Variants in TRMT10B observed in about 807,000 individuals in gnomAD.
The protein encoded by TRMT10B is tRNA methyltransferase 10B, also known as tRNA methyltransferase 10 homolog B.
Under a neutral mutation model 43.8 loss-of-function variants are expected in TRMT10B, and 33 were observed. The observed-to-expected ratio is 0.75, with a 90% CI of 0.57 to 1.01. The LOEUF (loss-of-function observed/expected upper bound fraction) is 1.01, where lower values mean the gene tolerates loss of function less well. Ranked by LOEUF, TRMT10B falls within the 50% of genes least tolerant of loss-of-function variation. The pLI, the probability that TRMT10B is intolerant of heterozygous loss-of-function variation, is 0.00. For missense variants in TRMT10B, 362 were observed against 369.8 expected, an observed-to-expected ratio of 0.98 and a Z score of 0.17; for synonymous variants, 137 against 130.6, an observed-to-expected ratio of 1.05 and a Z score of -0.34.
In TRMT10B at chr9:37,755,140, C is replaced by T. The variant is rs565729081; in HGVS notation, c.-30+1288C>T. Among the ~76,000 whole-genome samples, 10 of 152,010 alleles carry T rather than the reference C, an allele frequency of 6.6e-5. No individual in the cohort carries two copies. The East Asian group carries it at 1.2e-3, about 18-fold the overall frequency. ...AAAAAAATCTAGCCGGACATGGTGGCGGGTGCCTGTAGTCCCAGCTACTCA... is the reference window on the plus strand; with the variant it reads ...AAAAAAATCTAGCCGGACATGGTGGTGGGTGCCTGTAGTCCCAGCTACTCA... On this transcript the variant is annotated intron_variant, in intron 1 of 8. Transcript: ENST00000297994.
At position 37,761,214 on chromosome 9, in the gene TRMT10B, AG is replaced by A. The variant is rs1223093372; in HGVS notation, c.-29-687del. Among the ~76,000 whole-genome samples the A allele has an allele frequency of 7.9e-5, 12 of 152,246 alleles. 1 individual carries two copies. The highest frequency in any genetic ancestry group is 1.8e-4 in the Non-Finnish European group (12 of 68,042). ...TAGGTATTCAATAAATATTTGCTAA[AG>A]GAACAATTTTGAAAATAAACTGGTT... On this transcript the variant is annotated intron_variant, in intron 1 of 8. Coordinates refer to ENST00000297994, the MANE Select transcript of TRMT10B (RefSeq NM_144964.4).
intron 1 of TRMT10B, among the ~76,000 whole-genome samples, chr9:37,754,554 A>C (rs927772655): frequency 6.6e-6 from 1 of 152,150 alleles, no homozygotes; most frequent in Non-Finnish European, 1.5e-5. Flanking sequence ...TAGGATGCTC[A>C]CAGGGCTCGG....
chr9:37,767,504 C>T (rs1247442425), intron 4 of TRMT10B: 1 of 37,554 alleles, frequency 2.7e-5, no homozygotes, highest in African/African-American at 1.3e-4. Flanking sequence ...CACAGCCAGA[C>T]CCTGTCTCCA....
intron 2 of TRMT10B, 65 bp downstream of exon 2, chr9:37,762,182 T>A: frequency 3.4e-6 from 5 of 1,480,418 alleles, no homozygotes; most frequent in Non-Finnish European, 4.6e-6. Flanking sequence ...ACCCCTGTTT[T>A]AAAGATGGAT....
chr9:37,758,886 A>G (rs1460025087), intron 1 of TRMT10B, among the ~76,000 whole-genome samples: 1 of 152,188 alleles, frequency 6.6e-6, no homozygotes, highest in Non-Finnish European at 1.5e-5. Context: ...CGGAGCCCAT[A>G]CAGAGTACGT....
chr9:37,760,719 T>C (rs1826234892), intron 1 of TRMT10B, among the ~76,000 whole-genome samples: 1 of 152,224 alleles, frequency 6.6e-6, no homozygotes. Context: ...GTGTGGATTG[T>C]TACTTTTCAT....
At chr9:37,773,354 C>A (rs1827793046) in intron 7 of TRMT10B, among the ~76,000 whole-genome samples, 1 of 151,820 alleles carries the variant, frequency 6.6e-6, no homozygotes, top group South Asian at 2.1e-4. Context: ...CTCCAGGCCT[C>A]AAGCAATCCT....
chr9:37,760,157 C>G (rs2118734628), intron 1 of TRMT10B, among the ~76,000 whole-genome samples: 1 of 152,284 alleles, frequency 6.6e-6, no homozygotes, highest in South Asian at 2.1e-4. Flanking sequence ...GAAACCCCGT[C>G]TCTACTAAAA....
At chr9:37,761,386 G>A (rs544528818) in intron 1 of TRMT10B, among the ~76,000 whole-genome samples, 16 of 152,302 alleles carry the variant, frequency 1.1e-4, no homozygotes, top group African/African-American at 3.8e-4. Context: ...GACGTCAGGT[G>A]TTGTGCATGT....
chr9:37,757,317 C>G (rs1825833164), intron 1 of TRMT10B, among the ~76,000 whole-genome samples: 1 of 152,134 alleles, frequency 6.6e-6, no homozygotes, highest in African/African-American at 2.4e-5. Context: ...CTCAATTGAT[C>G]CTCCCTCCTC....
Position 37,770,121 on chromosome 9 carries a change from C to G in TRMT10B, c.652+102C>G, listed in dbSNP as rs1294516108. ...AGCCCCTCAAGAAGGACACCCCTCCCCACCCCCACAAAAAGTAATGCACAT... is the reference window on the plus strand; with the variant it reads ...AGCCCCTCAAGAAGGACACCCCTCCGCACCCCCACAAAAAGTAATGCACAT... On this transcript the variant is annotated intron_variant, in intron 6 of 8. Coordinates refer to ENST00000297994, the MANE Select transcript of TRMT10B (RefSeq NM_144964.4). 6 of 1,014,492 alleles carry G rather than the reference C, an allele frequency of 5.9e-6. No individual in the cohort carries two copies. The African/African-American group carries it at 9.5e-5, about 16-fold the overall frequency. 62.8% of individuals were successfully genotyped at this position (1,014,492 alleles called of 1,614,324 possible).
intron 4 of TRMT10B, among the ~76,000 whole-genome samples, chr9:37,765,772 T>C (rs1036793617): frequency 6.6e-6 from 1 of 152,158 alleles, no homozygotes; most frequent in Admixed American, 6.5e-5. Flanking sequence ...TTTTAATGAT[T>C]GCCATTCTAA....
At chr9:37,759,317 C>A (rs1826052871) in intron 1 of TRMT10B, among the ~76,000 whole-genome samples, 1 of 152,188 alleles carries the variant, frequency 6.6e-6, no homozygotes, top group South Asian at 2.1e-4. Context: ...ACTACTGATA[C>A]ATGCAGCAAC....
intron 2 of TRMT10B, 54 bp from the exon 3 acceptor site, chr9:37,762,523 C>G: frequency 6.6e-7 from 1 of 1,521,758 alleles, no homozygotes; most frequent in South Asian, 1.3e-5. Context: ...GTTCATTTTC[C>G]TTTTTTGGTG....
chr9:37,769,167 G>T (rs1027703952), intron 5 of TRMT10B, among the ~76,000 whole-genome samples: 1 of 151,844 alleles, frequency 6.6e-6, no homozygotes. Context: ...CATTAGCTCG[G>T]TGCAGTGGTG....
chr9:37,769,249 C>T (rs1309727629), intron 5 of TRMT10B, among the ~76,000 whole-genome samples: 2 of 137,082 alleles, frequency 1.5e-5, no homozygotes, highest in East Asian at 2.3e-4. Context: ...CAGAGGTTGC[C>T]GTGAGCTTAG....
At chr9:37,757,030 C>G (rs764861767) in intron 1 of TRMT10B, among the ~76,000 whole-genome samples, 1 of 150,812 alleles carries the variant, frequency 6.6e-6, no homozygotes, top group Non-Finnish European at 1.5e-5. Flanking sequence ...AATTTGTGAT[C>G]AACTTCACTG....
chr9:37,773,604 G>A (rs573900243), intron 7 of TRMT10B, among the ~76,000 whole-genome samples: 1 of 152,292 alleles, frequency 6.6e-6, no homozygotes, highest in East Asian at 1.9e-4. Flanking sequence ...GGGAGGCCAA[G>A]TCAGGCAAAT....
chr9:37,777,149 G>A (rs1356412775), intron 8 of TRMT10B, among the ~76,000 whole-genome samples: 2 of 118,638 alleles, frequency 1.7e-5, no homozygotes, highest in South Asian at 3.0e-4. Context: ...AGCTGAGATC[G>A]TGCCATTGCA....
Sources: gnomAD v4.1 joint callset for allele counts (sites outside exome capture counted in the v4.1 genomes callset) on GRCh38, gnomAD v4.1.1 for gene constraint, MANE v1.5 for transcripts, NCBI Gene and HGNC (gene_info 2026-07-23, HGNC 2026-07-21) for gene names.